The following HMCN1 variants were observed in gnomAD, a reference collection of about 807,000 sequenced individuals.
HMCN1 encodes hemicentin 1.
HMCN1 carries 321 observed loss-of-function variants against 625.9 expected under a neutral mutation model. The ratio of observed to expected loss-of-function variants is 0.51; its 90% CI spans 0.47 to 0.56. HMCN1 has a LOEUF of 0.56. HMCN1 is among the 20% of genes least tolerant of loss of function. The pLI is 0.00. For synonymous variants in HMCN1, 2,425 were observed against 2,417.6 expected, an observed-to-expected ratio of 1.00 and a Z score of -0.09; for missense variants, 6,588 against 6,887.3, an observed-to-expected ratio of 0.96 and a Z score of 1.54.
chr1:186,053,807 AT>A lies in HMCN1; in HGVS notation c.6701-15del. The A allele has an allele frequency of 1.2e-6, 2 of 1,612,104 alleles. No homozygotes were observed. The highest frequency in any genetic ancestry group is 1.7e-6 in the Non-Finnish European group (2 of 1,178,758). On this transcript the variant is annotated splice_polypyrimidine_tract_variant and intron_variant, in intron 43 of 106. Coordinates refer to ENST00000271588, the MANE Select transcript of HMCN1 (RefSeq NM_031935.3). The stretch of plus-strand genomic sequence containing the variant: ...TTACATTTCTGCCTCATATTCTGCC[AT>A]TTGGACTTCTTTGTAGGCTCTCCAG...
chr1:185,814,107 A>G (rs1294201380), intron 1 of HMCN1, among the ~76,000 whole-genome samples: 1 of 152,194 alleles, frequency 6.6e-6, no homozygotes, highest in Non-Finnish European at 1.5e-5. Context: ...AGATATGGAT[A>G]GTCAAATTTA....
intron 1 of HMCN1, among the ~76,000 whole-genome samples, chr1:185,801,612 A>G (rs1658800141): frequency 1.3e-5 from 2 of 152,228 alleles, no homozygotes. Flanking sequence ...AGTATGAACT[A>G]GTTCAATGAT....
In HMCN1 at chr1:186,086,316, C is replaced by T; in HGVS notation, c.8955C>T (p.Thr2985=). Residue 2985 remains threonine, a synonymous_variant, in exon 58 of 107, where the codon ACC becomes ACT. Coordinates refer to ENST00000271588, the MANE Select transcript of HMCN1 (RefSeq NM_031935.3). ...TGGTGAACAATTTCATCTCTTTGAC[C>T]TGTGAGGTCTCTGGTTTTCCACCTC... ...TVVVNNFISL[T]CEVSGFPPPD... is the part of the protein sequence containing the mutation. The T allele has an allele frequency of 6.2e-7, 1 of 1,613,226 alleles. No individual in the cohort carries two copies. The highest frequency in any genetic ancestry group is 1.3e-5 in the African/African-American group (1 of 74,958).
intron 41 of HMCN1, among the ~76,000 whole-genome samples, chr1:186,047,890 G>C (rs1001588417): frequency 6.6e-6 from 1 of 152,030 alleles, no homozygotes; most frequent in African/African-American, 2.4e-5. Context: ...TGGCTTCTGT[G>C]TACCCCTGCT....
chr1:185,939,973 T>C (rs1316636363), intron 11 of HMCN1, among the ~76,000 whole-genome samples: 1 of 152,184 alleles, frequency 6.6e-6, no homozygotes, highest in African/African-American at 2.4e-5. Context: ...TTCCCTTAAA[T>C]ATTAAAAAGT....
chr1:185,969,223 T>TATCGACACAG (rs1159220742), intron 14 of HMCN1, among the ~76,000 whole-genome samples: 4 of 152,218 alleles, frequency 2.6e-5, no homozygotes, highest in Non-Finnish European at 5.9e-5. Flanking sequence ...CTCAGAGGCA[T>TATCGACACAG]ATCGACACAG....
At chr1:185,942,713 A>G (rs1311453009) in intron 11 of HMCN1, among the ~76,000 whole-genome samples, 1 of 152,128 alleles carries the variant, frequency 6.6e-6, no homozygotes, top group Non-Finnish European at 1.5e-5. Flanking sequence ...ATTTAATTCA[A>G]TTCAGAAATC....
intron 11 of HMCN1, 101 bp downstream of exon 11, chr1:185,933,925 C>A: frequency 1.1e-6 from 1 of 932,434 alleles, no homozygotes; most frequent in Non-Finnish European, 1.7e-6. Flanking sequence ...AGAGTATCTA[C>A]CCAAATAATT....
At chr1:185,919,239 T>C (rs2102469698) in intron 6 of HMCN1, among the ~76,000 whole-genome samples, 1 of 152,222 alleles carries the variant, frequency 6.6e-6, no homozygotes, top group Admixed American at 6.5e-5. Flanking sequence ...GACCTTGGTG[T>C]CATTTGGTTC....
At chr1:186,070,888 C>A (rs1200582654) in intron 52 of HMCN1, 131 bp downstream of exon 52, 23 of 918,662 alleles carry the variant, frequency 2.5e-5, no homozygotes, top group Non-Finnish European at 3.6e-5. Flanking sequence ...ATGCCATGCT[C>A]CTAGAATCTA....
At position 186,061,910 on chromosome 1, in the gene HMCN1, G is replaced by A. The variant is rs746779722; in HGVS notation, c.7372G>A (p.Val2458Ile). 60 of 1,612,984 alleles carry A rather than the reference G, an allele frequency of 3.7e-5. No homozygotes were observed. Among genetic ancestry groups the A allele is most frequent in the South Asian group, 1.5e-4 (14 of 91,034 alleles). ...TMEDAGQYTC[V>I]VRNAAGEERK... ...GGAAGATGCTGGCCAATATACTTGCGTTGTAAGGAATGCAGCTGGTGAAGA... is the reference window on the plus strand; with the variant it reads ...GGAAGATGCTGGCCAATATACTTGCATTGTAAGGAATGCAGCTGGTGAAGA... The change falls in exon 47 of 107, where the codon GTT becomes ATT. Residue 2458 changes from valine to isoleucine, a missense_variant. Val to Ile is a conservative substitution (Grantham distance 29). This residue lies in a region of HMCN1 where 4,628 missense variants were observed against 4,853.1 expected (regional missense o/e 0.95). Transcript: ENST00000271588.
chr1:186,153,900 G>C lies in HMCN1; in HGVS notation c.15169G>C (p.Glu5057Gln). The change falls in exon 97 of 107, where the codon GAA (glutamate) becomes CAA (glutamine). Residue 5057 changes from glutamate (E) to glutamine (Q), a missense_variant. Glu to Gln is a conservative substitution (Grantham distance 29). Transcript: ENST00000271588. ...ACAGGGAAGAATGCCTTTCTTGGTT[G>C]AAACACTTCATGCATCCTCTGTGGA... Reference protein sequence around the residue: ...QAQGRMPFLVETLHASSVESD... With the variant: ...QAQGRMPFLVQTLHASSVESD... 1 of 1,614,150 alleles carries C rather than the reference G, an allele frequency of 6.2e-7. No individual in the cohort carries two copies. Among genetic ancestry groups the C allele is most frequent in the Non-Finnish European group, 8.5e-7 (1 of 1,180,012 alleles).
rs771728942 is a variant in HMCN1 at position 185,911,655 on chromosome 1, T to C, written c.794-19T>C. The C allele has an allele frequency of 6.5e-7, 1 of 1,536,544 alleles. No homozygotes were observed. Among genetic ancestry groups the C allele is most frequent in the East Asian group, 2.2e-5 (1 of 44,464 alleles). ...TGAGAGAAGGATTGTGCTTGTTACC[T>C]TTATGTTCTGTCTTTCAGGGAAGCT... On this transcript the variant is annotated intron_variant, in intron 5 of 106. Transcript: ENST00000271588.
At chr1:185,857,184 C>A (rs562897352) in intron 2 of HMCN1, among the ~76,000 whole-genome samples, 3 of 152,222 alleles carry the variant, frequency 2.0e-5, no homozygotes, top group African/African-American at 7.2e-5. Flanking sequence ...ATTCCAGGAG[C>A]AACATTTACT....
At chr1:185,770,917 A>G (rs1656197154) in intron 1 of HMCN1, among the ~76,000 whole-genome samples, 1 of 152,154 alleles carries the variant, frequency 6.6e-6, no homozygotes, top group African/African-American at 2.4e-5. Context: ...GCTCATCTCC[A>G]GTGCTCGCAT....
chr1:186,037,105 G>A (rs889457537), intron 36 of HMCN1, among the ~76,000 whole-genome samples: 18 of 151,340 alleles, frequency 1.2e-4, no homozygotes, highest in Admixed American at 4.0e-4. Flanking sequence ...TATGTGGGTC[G>A]AGGGTCTGTA....
At position 186,190,714 on chromosome 1, in the gene HMCN1, T is replaced by TA. The variant is rs886045697; in HGVS notation, c.*841dup. 5.1e-6 allele frequency: 1 copy of TA among 195,070 alleles called. No individual in the cohort carries two copies. Among genetic ancestry groups the TA allele is most frequent in the African/African-American group, 2.3e-5 (1 of 43,222 alleles). 12.1% of individuals were successfully genotyped at this position (195,070 alleles called of 1,614,324 possible). On this transcript the variant is annotated 3_prime_UTR_variant, in exon 107 of 107. Transcript: ENST00000271588. ...TACCAGTGGGACAGATTTGGTTTTT[T>TA]AAAAATCTCATGTGTTCAAATTAAC... is the stretch of plus-strand genomic sequence containing the variant.
chr1:185,954,832 G>C (rs375112277), intron 11 of HMCN1, among the ~76,000 whole-genome samples: 1 of 152,032 alleles, frequency 6.6e-6, no homozygotes, highest in East Asian at 1.9e-4. Flanking sequence ...TTTAAAAATG[G>C]AATTTCTTAT....
intron 11 of HMCN1, among the ~76,000 whole-genome samples, chr1:185,962,309 G>T (rs1471605615): frequency 1.3e-5 from 2 of 152,074 alleles, no homozygotes; most frequent in African/African-American, 2.4e-5. Context: ...ATAACATCGG[G>T]ATCAAATTCA....
Sources: allele counts gnomAD v4.1 joint callset (sites outside exome capture counted in the v4.1 genomes callset), GRCh38; gene constraint gnomAD v4.1.1; regional missense constraint gnomAD v4.1.1; transcripts MANE v1.5; gene names NCBI Gene and HGNC (gene_info 2026-07-23, HGNC 2026-07-21).